Variants in GFRA1 observed in about 807,000 individuals in gnomAD.
GFRA1 encodes the protein GDNF family receptor alpha-1.
In GFRA1, 16 loss-of-function variants were observed where a neutral mutation model predicts 51.6. The observed-to-expected ratio is 0.31, with a 90% CI of 0.21 to 0.47. GFRA1 has a LOEUF of 0.47. Among genes scored for constraint, GFRA1 ranks in the 20% least tolerant of loss-of-function variants. The pLI, the probability that GFRA1 is intolerant of heterozygous loss-of-function variation, is 1.00. For missense variants in GFRA1, 530 were observed against 594.3 expected (o/e 0.89, Z 1.13); for synonymous variants, 270 against 241.3 (o/e 1.12, Z -1.10).
At chr10:116,132,900 C>A (rs991846175) in intron 5 of GFRA1, among the ~76,000 whole-genome samples, 6 of 152,264 alleles carry the variant, frequency 3.9e-5, no homozygotes, top group Admixed American at 3.9e-4. Context: ...CTGTGTTTTA[C>A]GGTCTGGGCA....
intron 6 of GFRA1, among the ~76,000 whole-genome samples, chr10:116,124,940 G>C (rs527695111): frequency 6.6e-6 from 1 of 152,292 alleles, no homozygotes; most frequent in Admixed American, 6.5e-5. Context: ...TCACCTGAGA[G>C]GTATCCAGGA....
intron 4 of GFRA1, among the ~76,000 whole-genome samples, chr10:116,251,169 T>C (rs187514683): frequency 6.6e-6 from 1 of 152,356 alleles, no homozygotes; most frequent in East Asian, 1.9e-4. Context: ...CCTCCTGTAC[T>C]AGACTATAAG....
intron 9 of GFRA1, among the ~76,000 whole-genome samples, chr10:116,084,409 A>G (rs1955995584): frequency 6.6e-6 from 1 of 152,160 alleles, no homozygotes; most frequent in South Asian, 2.1e-4. Context: ...TCACAAAAGT[A>G]ATCTCTAACT....
chr10:116,197,663 T>C (rs921777476), intron 5 of GFRA1, among the ~76,000 whole-genome samples: 11 of 151,978 alleles, frequency 7.2e-5, no homozygotes, highest in African/African-American at 2.7e-4. Flanking sequence ...AGGTTCCAGG[T>C]GGACATGAAT....
intron 9 of GFRA1, among the ~76,000 whole-genome samples, chr10:116,070,745 T>C (rs1955344869): frequency 6.7e-6 from 1 of 148,528 alleles, no homozygotes; most frequent in East Asian, 2.0e-4. Context: ...GTGGCCCACC[T>C]AGAAGTCTGG....
chr10:116,132,034 C>T (rs1229474684), intron 5 of GFRA1, among the ~76,000 whole-genome samples: 1 of 151,808 alleles, frequency 6.6e-6, no homozygotes, highest in Admixed American at 6.6e-5. Flanking sequence ...TAAGGAGGCA[C>T]TGTCGCTACA....
intron 4 of GFRA1, among the ~76,000 whole-genome samples, chr10:116,239,072 C>T (rs1201806101): frequency 6.6e-6 from 1 of 152,144 alleles, no homozygotes; most frequent in Admixed American, 6.5e-5. Context: ...TGACCAGAGA[C>T]AGAGAAAAAG....
intron 4 of GFRA1, among the ~76,000 whole-genome samples, chr10:116,244,805 T>C (rs1291427405): frequency 6.6e-6 from 1 of 152,050 alleles, no homozygotes; most frequent in Admixed American, 6.6e-5. Flanking sequence ...AGAGGGTAAT[T>C]GCAAAATTTT....
chr10:116,209,415 CCT>C (rs1245865964), intron 5 of GFRA1, among the ~76,000 whole-genome samples: 1 of 152,094 alleles, frequency 6.6e-6, no homozygotes, highest in Non-Finnish European at 1.5e-5. Context: ...GTCCTCCCTC[CCT>C]CACTGACAGA....
At position 116,101,337 on chromosome 10, in the gene GFRA1, T is replaced by C. The variant is rs538785196; in HGVS notation, c.771-4573A>G. Among the ~76,000 whole-genome samples the C allele has an allele frequency of 8.5e-5, 13 of 152,308 alleles. No homozygotes were observed. The South Asian group carries it at 2.7e-3, about 32-fold the overall frequency. ...CCATGACGACAGCAATGATGAGCTCTGATTGTTTTTCTCCGAGAAAATGAA... is the reference window on the plus strand; with the variant it reads ...CCATGACGACAGCAATGATGAGCTCCGATTGTTTTTCTCCGAGAAAATGAA... On this transcript the variant is annotated intron_variant, in intron 6 of 10. Coordinates refer to ENST00000355422, the MANE Select transcript of GFRA1 (RefSeq NM_005264.8).
rs1954863165 is a variant in GFRA1, at chr10:116,062,486, A to AAT, written c.*1910_*1911dup. ...TTGTGTTGATTAACATTTGGACACA[A>AAT]ATATACTTTTAACACCAATAGAGCT... On this transcript the variant is annotated 3_prime_UTR_variant, in exon 11 of 11. Coordinates refer to ENST00000355422, the MANE Select transcript of GFRA1 (RefSeq NM_005264.8). 5.4e-6 allele frequency: 1 copy of AAT among 185,654 alleles called. No homozygotes were observed. Among genetic ancestry groups the AAT allele is most frequent in the Non-Finnish European group, 1.1e-5 (1 of 90,912 alleles). 11.5% of individuals were successfully genotyped at this position (185,654 alleles called of 1,614,324 possible).
intron 5 of GFRA1, among the ~76,000 whole-genome samples, chr10:116,147,037 TGTGTGTGA>T (rs1014742129): frequency 3.3e-5 from 5 of 151,084 alleles, no homozygotes; most frequent in Admixed American, 6.6e-5. Context: ...TGTGTGTGTG[TGTGTGTGA>T]GAGAGAGAGA....
At chr10:116,147,868 G>A (rs1330204125) in intron 5 of GFRA1, among the ~76,000 whole-genome samples, 1 of 151,896 alleles carries the variant, frequency 6.6e-6, no homozygotes, top group Non-Finnish European at 1.5e-5. Flanking sequence ...CGCTTCCGGG[G>A]GACCCCAGTG....
chr10:116,169,954 G>A (rs2134222400), intron 5 of GFRA1, among the ~76,000 whole-genome samples: 1 of 152,270 alleles, frequency 6.6e-6, no homozygotes, highest in East Asian at 1.9e-4. Flanking sequence ...ATTGCTGTGG[G>A]CTGGTATGGG....
At chr10:116,210,312 G>A (rs1029621722) in intron 5 of GFRA1, among the ~76,000 whole-genome samples, 4 of 152,026 alleles carry the variant, frequency 2.6e-5, no homozygotes, top group African/African-American at 9.7e-5. Context: ...CAAATGTTTT[G>A]TGTTTCAAGA....
intron 9 of GFRA1, among the ~76,000 whole-genome samples, chr10:116,069,734 A>G (rs1955288582): frequency 6.6e-6 from 1 of 152,184 alleles, no homozygotes; most frequent in Non-Finnish European, 1.5e-5. Flanking sequence ...TAGCATTTGG[A>G]AAGCCTGCCG....
chr10:116,185,636 T>C (rs1455252532), intron 5 of GFRA1, among the ~76,000 whole-genome samples: 2 of 152,212 alleles, frequency 1.3e-5, no homozygotes, highest in Non-Finnish European at 2.9e-5. Context: ...ATTTATGCTC[T>C]GGAGCCCCTC....
intron 5 of GFRA1, among the ~76,000 whole-genome samples, chr10:116,135,711 A>C (rs1589815873): frequency 6.6e-6 from 1 of 152,340 alleles, no homozygotes; most frequent in Admixed American, 6.5e-5. Flanking sequence ...TTGTTTGGAA[A>C]ATGTATTGTG....
chr10:116,192,618 G>C (rs1020941547), intron 5 of GFRA1, among the ~76,000 whole-genome samples: 2 of 152,142 alleles, frequency 1.3e-5, no homozygotes, highest in African/African-American at 2.4e-5. Flanking sequence ...GTGCACCTTC[G>C]CCCCTGTAGC....
Sources: gnomAD v4.1 joint callset for allele counts (sites outside exome capture counted in the v4.1 genomes callset) on GRCh38, gnomAD v4.1.1 for gene constraint, MANE v1.5 for transcripts, NCBI Gene and HGNC (gene_info 2026-07-23, HGNC 2026-07-21) for gene names.